The following MBNL2 variants were observed in gnomAD, a reference collection of about 807,000 sequenced individuals.
The protein encoded by MBNL2 is muscleblind like splicing regulator 2.
A neutral mutation model predicts 41.9 loss-of-function variants in MBNL2; 17 were observed. The ratio of observed to expected loss-of-function variants is 0.41; its 90% confidence interval spans 0.28 to 0.61. MBNL2 has a LOEUF of 0.61. MBNL2 is among the 20% of genes least tolerant of loss of function. The pLI is 0.35. For missense variants in MBNL2, 336 were observed against 505.6 expected (o/e 0.66, Z 3.22); for synonymous variants, 195 against 182.9 (o/e 1.07, Z -0.53).
At chr13:97,221,478 C>T (rs943252201), upstream of MBNL2, 2 of 152,162 alleles carry the variant, frequency 1.3e-5, no homozygotes, top group Admixed American at 1.3e-4. Flanking sequence ...TGGAATGGCA[C>T]CTCATGGGGG....
At chr13:97,287,217 G>A (rs773567197) in intron 2 of MBNL2, among the ~76,000 whole-genome samples, 12 of 152,166 alleles carry the variant, frequency 7.9e-5, no homozygotes, top group South Asian at 4.2e-4. Context: ...TTGCTCACAG[G>A]TGTCAGCTAG....
the MBNL2 span, among the ~76,000 whole-genome samples, chr13:97,205,318 G>C: frequency 2.0e-5 from 3 of 149,890 alleles, no homozygotes; most frequent in East Asian, 5.9e-4. Flanking sequence ...TTGAACCTAG[G>C]AGCCAGAGGT....
chr13:97,226,152 T>C (rs566703747), intron 1 of MBNL2, among the ~76,000 whole-genome samples: 1 of 152,332 alleles, frequency 6.6e-6, no homozygotes, highest in African/African-American at 2.4e-5. Flanking sequence ...CGGCTCCAAC[T>C]ACACAGTTGT....
At chr13:97,166,481 A>G in the MBNL2 span, among the ~76,000 whole-genome samples, 1 of 152,008 alleles carries the variant, frequency 6.6e-6, no homozygotes, top group African/African-American at 2.4e-5. Context: ...TTGCCAAAGG[A>G]GATTAACATT....
rs1010480704 is a variant in MBNL2 at position 97,347,049 on chromosome 13, G to A, written c.786G>A (p.Ala262=). Residue 262 remains alanine (A), a synonymous_variant, in exon 5 of 9, where the codon GCG becomes GCA. Coordinates refer to ENST00000679496, the MANE Select transcript of MBNL2 (RefSeq NM_001382683.1). ...CTGCGGTGGCCGCCCAGGCAGCCGC[G>A]GCCGCGGCCACAGTCATGGTAAGTG... The part of the protein sequence containing the change: ...NQAAVAAQAA[A]AAATVMTQST... The A allele has an allele frequency of 2.5e-6, 4 of 1,603,968 alleles. No individual in the cohort carries two copies. The highest frequency in any genetic ancestry group is 3.4e-5 in the Admixed American group (2 of 58,936).
chr13:97,174,458 A>C, the MBNL2 span, among the ~76,000 whole-genome samples: 1 of 152,272 alleles, frequency 6.6e-6, no homozygotes, highest in South Asian at 2.1e-4. Context: ...TCTACAATGA[A>C]TGAATAATGT....
the MBNL2 span, among the ~76,000 whole-genome samples, chr13:97,169,872 G>A: frequency 2.6e-5 from 4 of 152,110 alleles, no homozygotes; most frequent in South Asian, 2.1e-4. Context: ...GTGGCCCTTC[G>A]TCATGGAACT....
chr13:97,224,696 G>T (rs1345083740), intron 1 of MBNL2, among the ~76,000 whole-genome samples: 3 of 149,890 alleles, frequency 2.0e-5, no homozygotes, highest in Non-Finnish European at 4.4e-5. Flanking sequence ...AGTACAAAGG[G>T]ATAAAACCTC....
intron 3 of MBNL2, among the ~76,000 whole-genome samples, chr13:97,336,807 A>C (rs562499775): frequency 6.6e-6 from 1 of 152,312 alleles, no homozygotes; most frequent in Non-Finnish European, 1.5e-5. Flanking sequence ...CAGTTACCGG[A>C]AACTAATAGA....
intron 1 of MBNL2, among the ~76,000 whole-genome samples, chr13:97,251,260 G>C (rs191238822): frequency 6.6e-6 from 1 of 151,364 alleles, no homozygotes; most frequent in Admixed American, 6.6e-5. Context: ...GGTATAATTC[G>C]AATGTTTGTA....
intron 2 of MBNL2, among the ~76,000 whole-genome samples, chr13:97,298,019 C>G (rs190832279): frequency 6.6e-6 from 1 of 152,180 alleles, no homozygotes; most frequent in Non-Finnish European, 1.5e-5. Flanking sequence ...ATAATAATAG[C>G]TGCCATTTAC....
chr13:97,173,729 C>T, the MBNL2 span, among the ~76,000 whole-genome samples: 1 of 152,164 alleles, frequency 6.6e-6, no homozygotes, highest in Non-Finnish European at 1.5e-5. Flanking sequence ...CTCTTTGTTC[C>T]CCCACAAACA....
At chr13:97,285,056 ATAT>A (rs1300450752) in intron 2 of MBNL2, among the ~76,000 whole-genome samples, 3 of 152,196 alleles carry the variant, frequency 2.0e-5, no homozygotes, top group African/African-American at 7.2e-5. Context: ...GATTTGTGTA[ATAT>A]TCTATTCTTT....
intron 2 of MBNL2, among the ~76,000 whole-genome samples, chr13:97,332,123 T>C (rs1420841144): frequency 6.6e-6 from 1 of 152,228 alleles, no homozygotes; most frequent in Admixed American, 6.5e-5. Flanking sequence ...CCCAAGTCTC[T>C]CCATTAGACC....
chr13:97,367,322 C>T (rs961059941), intron 8 of MBNL2, among the ~76,000 whole-genome samples: 1 of 152,284 alleles, frequency 6.6e-6, no homozygotes, highest in Middle Eastern at 3.4e-3. Flanking sequence ...GTGCTCCTAG[C>T]CACAAGGAGA....
intron 1 of MBNL2, among the ~76,000 whole-genome samples, chr13:97,252,697 G>A (rs1307170830): frequency 6.6e-6 from 1 of 152,010 alleles, no homozygotes; most frequent in Non-Finnish European, 1.5e-5. Flanking sequence ...AAAATTATTG[G>A]TTCCATTTAA....
chr13:97,278,498 T>A (rs529855758), intron 2 of MBNL2, among the ~76,000 whole-genome samples: 1 of 152,272 alleles, frequency 6.6e-6, no homozygotes, highest in Non-Finnish European at 1.5e-5. Context: ...AATTCCTGAC[T>A]TATTAAGGCC....
At chr13:97,353,084 A>G (rs1416023232) in intron 5 of MBNL2, among the ~76,000 whole-genome samples, 1 of 152,230 alleles carries the variant, frequency 6.6e-6, no homozygotes, top group African/African-American at 2.4e-5. Context: ...GGTTACATTC[A>G]TCAAGCTGCA....
the MBNL2 span, among the ~76,000 whole-genome samples, chr13:97,189,767 G>A: frequency 0.04 from 6,042 of 152,040 alleles, 395 homozygotes; most frequent in African/African-American, 0.14. Context: ...CAGAACTCGC[G>A]GTACACACAA....
Sources: gnomAD v4.1 joint callset for allele counts (sites outside exome capture counted in the v4.1 genomes callset) on GRCh38, gnomAD v4.1.1 for gene constraint, MANE v1.5 for transcripts, NCBI Gene and HGNC (gene_info 2026-07-23, HGNC 2026-07-21) for gene names.